FUT8: variants seen among roughly 807,000 people sequenced by gnomAD.
FUT8 encodes the protein alpha-(1,6)-fucosyltransferase.
In FUT8, 29 loss-of-function variants were observed where a neutral mutation model predicts 71.3. That is an observed-to-expected ratio of 0.41 (90% CI 0.30 to 0.55). The LOEUF is 0.55. FUT8 is among the 20% of genes least tolerant of loss of function. The pLI is 0.34. For missense variants in FUT8, 544 were observed against 702.1 expected (o/e 0.77, Z 2.55); for synonymous variants, 254 against 239.3 (o/e 1.06, Z -0.57).
intron 7 of FUT8, among the ~76,000 whole-genome samples, chr14:65,709,129 A>G (rs1393867184): frequency 6.6e-6 from 1 of 152,214 alleles, no homozygotes; most frequent in African/African-American, 2.4e-5. Flanking sequence ...TACATATACA[A>G]TTATTAATTT....
At chr14:65,654,318 G>T (rs918342933) in intron 6 of FUT8, among the ~76,000 whole-genome samples, 4 of 152,188 alleles carry the variant, frequency 2.6e-5, no homozygotes, top group Non-Finnish European at 5.9e-5. Flanking sequence ...GCCAGGCACG[G>T]TGGAGCACGC....
chr14:65,549,993 G>A (rs543610920), intron 2 of FUT8, among the ~76,000 whole-genome samples: 117 of 152,198 alleles, frequency 7.7e-4, no homozygotes, highest in Middle Eastern at 3.4e-3. Context: ...CCCAGGAGTT[G>A]GAGGTTGCAG....
In FUT8 at chr14:65,455,671, C is replaced by A. The variant is rs1319855213; in HGVS notation, c.-275C>A. The A allele has an allele frequency of 4.8e-5, 19 of 398,202 alleles. No homozygotes were observed. The highest frequency in any genetic ancestry group is 7.5e-5 in the Non-Finnish European group (17 of 225,912). 24.7% of individuals were successfully genotyped at this position (398,202 alleles called of 1,614,324 possible). A position where few individuals can be genotyped will look rare whatever the true frequency, so the allele number is the denominator to read the frequency against. On this transcript the variant is annotated 5_prime_UTR_variant, in exon 2 of 11. Coordinates refer to ENST00000673929, the MANE Select transcript of FUT8 (RefSeq NM_001371533.1). ...CCATGACCCTAATGGTCTTTTTGTT[C>A]AAGATAAAGTGATTTTTTGCCTTTG...
At chr14:65,559,223 T>C (rs1885769248) in intron 2 of FUT8, among the ~76,000 whole-genome samples, 1 of 152,162 alleles carries the variant, frequency 6.6e-6, no homozygotes, top group Non-Finnish European at 1.5e-5. Context: ...GTTTTCTGCG[T>C]TACTTTTGCA....
rs1890927841 is a variant in FUT8 at position 65,643,336 on chromosome 14, T to G, written c.597+13730T>G. ...AAAAGGGAATACATATTTAGGTCAT[T>G]AACATCTGTGACCTGGAAATAAAAT... On this transcript the variant is annotated intron_variant, in intron 6 of 10. Transcript: ENST00000673929. The surrounding 1 kb of genome is among the most constrained non-coding windows in gnomAD (Gnocchi z 4.5). 6.6e-6 allele frequency among the ~76,000 whole-genome samples: 1 copy of G among 152,166 alleles called. No homozygotes were observed. The highest frequency in any genetic ancestry group is 2.1e-4 in the South Asian group (1 of 4,832).
chr14:65,434,097 T>G (rs1566744336), intron 1 of FUT8, among the ~76,000 whole-genome samples: 1 of 152,222 alleles, frequency 6.6e-6, no homozygotes, highest in Non-Finnish European at 1.5e-5. Flanking sequence ...TTTTGTTTCC[T>G]TAGAGAAGCC....
intron 9 of FUT8, among the ~76,000 whole-genome samples, chr14:65,730,671 C>CA (rs538472134): frequency 0.021 from 3,003 of 146,474 alleles, 43 homozygotes; most frequent in Non-Finnish European, 0.033. Context: ...GACTCAATCT[C>CA]AAAAAAAAAA....
At chr14:65,446,111 G>A (rs6573612) in intron 1 of FUT8, among the ~76,000 whole-genome samples, 105,542 of 152,010 alleles carry the variant, frequency 0.69, 36,943 homozygotes, top group East Asian at 0.9. Context: ...ACGTATATAT[G>A]TATATTTTGA....
intron 6 of FUT8, among the ~76,000 whole-genome samples, chr14:65,635,545 C>T (rs555325944): frequency 3.9e-5 from 6 of 152,080 alleles, no homozygotes; most frequent in Non-Finnish European, 8.8e-5. Context: ...AGTCATAAAG[C>T]GATGCTGGAT....
chr14:65,399,865 T>C, the FUT8 span, among the ~76,000 whole-genome samples: 1 of 152,224 alleles, frequency 6.6e-6, no homozygotes, highest in Non-Finnish European at 1.5e-5. Flanking sequence ...TCTAATAACA[T>C]GTAAAGACAA....
chr14:65,543,042 A>G (rs912465626), intron 2 of FUT8, among the ~76,000 whole-genome samples: 51 of 152,254 alleles, frequency 3.3e-4, no homozygotes, highest in Middle Eastern at 3.4e-3. Context: ...TCGACCTCCC[A>G]AAGTGCTGGG....
chr14:65,702,436 G>A (rs572144963), intron 7 of FUT8, among the ~76,000 whole-genome samples: 4 of 151,946 alleles, frequency 2.6e-5, no homozygotes, highest in Non-Finnish European at 4.4e-5. Flanking sequence ...GTATAGTACC[G>A]CGCATACAGT....
intron 7 of FUT8, among the ~76,000 whole-genome samples, chr14:65,686,932 T>C (rs888688773): frequency 6.6e-6 from 1 of 152,228 alleles, no homozygotes; most frequent in African/African-American, 2.4e-5. Context: ...TTAGGTAACC[T>C]GTGACTCATG....
chr14:65,513,452 T>G (rs10483780), intron 2 of FUT8, among the ~76,000 whole-genome samples: 2,272 of 152,122 alleles, frequency 0.015, 19 homozygotes, highest in South Asian at 0.024. Flanking sequence ...AAAGTCATTC[T>G]TCAAGTAGTT....
At chr14:65,659,207 T>TA (rs1460161194) in intron 6 of FUT8, among the ~76,000 whole-genome samples, 2 of 151,996 alleles carry the variant, frequency 1.3e-5, no homozygotes, top group Admixed American at 6.6e-5. Flanking sequence ...TTTTTTTCAT[T>TA]AAAAAAACAA....
chr14:65,536,577 A>T (rs1038247011), intron 2 of FUT8, among the ~76,000 whole-genome samples: 2 of 151,804 alleles, frequency 1.3e-5, no homozygotes, highest in Non-Finnish European at 2.9e-5. Context: ...TTGAATATAG[A>T]CCCCCAATCT....
intron 1 of FUT8, among the ~76,000 whole-genome samples, chr14:65,452,191 A>G (rs2065837859): frequency 6.6e-6 from 1 of 152,210 alleles, no homozygotes; most frequent in Non-Finnish European, 1.5e-5. Flanking sequence ...TTTATTGAAT[A>G]CATCTAATTT....
At chr14:65,671,984 ATAACT>A (rs1393419740) in intron 7 of FUT8, among the ~76,000 whole-genome samples, 1 of 152,212 alleles carries the variant, frequency 6.6e-6, no homozygotes, top group African/African-American at 2.4e-5. Context: ...TTGTTCATAC[ATAACT>A]TGACATGATG....
At chr14:65,700,381 G>GGTT (rs1894222469) in intron 7 of FUT8, among the ~76,000 whole-genome samples, 1 of 48,848 alleles carries the variant, frequency 2.0e-5, no homozygotes, top group African/African-American at 8.5e-5. Context: ...CTTTCTTTCT[G>GGTT]TTTTTTTTTT....
Sources: allele counts gnomAD v4.1 joint callset (sites outside exome capture counted in the v4.1 genomes callset), GRCh38; gene constraint gnomAD v4.1.1; non-coding constraint Gnocchi (gnomAD v3.1); transcripts MANE v1.5; gene names NCBI Gene and HGNC (gene_info 2026-07-23, HGNC 2026-07-21).